The following CORO2B variants were observed in gnomAD, a reference collection of about 807,000 sequenced individuals.
The protein encoded by CORO2B is coronin-2B.
In CORO2B, 26 loss-of-function variants were observed where a neutral mutation model predicts 58.8. That is an observed-to-expected ratio of 0.44 (90% confidence interval 0.32 to 0.61). The LOEUF (loss-of-function observed/expected upper bound fraction) is 0.61. CORO2B is among the 20% of genes least tolerant of loss of function. CORO2B has a pLI of 0.04. For missense variants in CORO2B, 460 were observed against 645.1 expected, an observed-to-expected ratio of 0.71 and a Z score of 3.11; for synonymous variants, 242 against 253.8, an observed-to-expected ratio of 0.95 and a Z score of 0.44.
In CORO2B at chr15:68,611,483, T is replaced by C. The variant is rs530552500; in HGVS notation, c.15+32206T>C. On this transcript the variant is annotated intron_variant, in intron 1 of 11. Transcript: ENST00000261861. ...ACATGGCATCAGGAGCGTTTCCCCA[T>C]TGTATTATTTATACCATATTTTACT... 7.9e-5 allele frequency among the ~76,000 whole-genome samples: 12 copies of C among 152,316 alleles called. No individual in the cohort carries two copies. The East Asian group carries it at 9.6e-4, about 12-fold the overall frequency.
At chr15:68,607,700 C>T (rs1476605243) in intron 1 of CORO2B, among the ~76,000 whole-genome samples, 3 of 151,856 alleles carry the variant, frequency 2.0e-5, no homozygotes, top group African/African-American at 7.3e-5. Context: ...TGCTTGTGGT[C>T]CCAGCTACTT....
chr15:68,567,760 G>A, the CORO2B span, among the ~76,000 whole-genome samples: 61 of 152,368 alleles, frequency 4.0e-4, no homozygotes, highest in African/African-American at 1.3e-3. Context: ...GGTGGCTCAT[G>A]CCTGTAATCC....
At chr15:68,642,766 T>G (rs535949430) in intron 1 of CORO2B, among the ~76,000 whole-genome samples, 1 of 152,174 alleles carries the variant, frequency 6.6e-6, no homozygotes, top group African/African-American at 2.4e-5. Flanking sequence ...CTGCGGATTC[T>G]GAGAAGGTCA....
Position 68,666,998 on chromosome 15 carries a change from T to C in CORO2B, c.216+21638T>C, listed in dbSNP as rs546787110. On this transcript the variant is annotated intron_variant, in intron 2 of 11. Coordinates refer to ENST00000261861, the MANE Select transcript of CORO2B (RefSeq NM_006091.5). ...GCAGTGAGAGGATCTGTGGCTCAGC[T>C]GCAGCACAGGTGAGGAGCAAAGAAG... 6.6e-5 allele frequency among the ~76,000 whole-genome samples: 10 copies of C among 152,190 alleles called. No homozygotes were observed. In the East Asian group the frequency reaches 1.9e-3, roughly 30 times the overall value.
the CORO2B span, among the ~76,000 whole-genome samples, chr15:68,544,993 T>A: frequency 6.6e-6 from 1 of 152,162 alleles, no homozygotes; most frequent in Non-Finnish European, 1.5e-5. Flanking sequence ...GCCAGGATGG[T>A]CTCGATCTCC....
chr15:68,702,104 C>G (rs1892666544), intron 3 of CORO2B, among the ~76,000 whole-genome samples: 1 of 151,964 alleles, frequency 6.6e-6, no homozygotes, highest in Non-Finnish European at 1.5e-5. Context: ...GGGGTTGGGT[C>G]CAGCCCAGGG....
At chr15:68,570,486 G>T in the CORO2B span, among the ~76,000 whole-genome samples, 2 of 152,216 alleles carry the variant, frequency 1.3e-5, no homozygotes, top group African/African-American at 2.4e-5. Flanking sequence ...AAACTTCCGG[G>T]TGGTGACTCA....
intron 1 of CORO2B, among the ~76,000 whole-genome samples, chr15:68,600,513 G>A (rs8025334): frequency 0.053 from 8,057 of 152,178 alleles, 728 homozygotes; most frequent in African/African-American, 0.18. Flanking sequence ...GGACTTAGTC[G>A]GAAAGACAAA....
the CORO2B span, among the ~76,000 whole-genome samples, chr15:68,556,227 G>C: frequency 1.3e-5 from 2 of 152,164 alleles, no homozygotes; most frequent in Non-Finnish European, 2.9e-5. Flanking sequence ...AGAAAGACAG[G>C]GTGATGAGCG....
chr15:68,586,088 T>G (rs1303115953), intron 1 of CORO2B, among the ~76,000 whole-genome samples: 1 of 152,212 alleles, frequency 6.6e-6, no homozygotes, highest in Non-Finnish European at 1.5e-5. Context: ...CAGTCTGTCA[T>G]TTACTTGCTG....
the CORO2B span, among the ~76,000 whole-genome samples, chr15:68,532,140 T>G: frequency 6.6e-6 from 1 of 152,176 alleles, no homozygotes; most frequent in Non-Finnish European, 1.5e-5. Flanking sequence ...TGGGGTTTTT[T>G]GTTTTTGTTT....
chr15:68,679,115 G>A (rs8040343), intron 2 of CORO2B, among the ~76,000 whole-genome samples: 5,275 of 152,304 alleles, frequency 0.035, 312 homozygotes, highest in African/African-American at 0.12. Context: ...GCCTGGCACC[G>A]TGCTGGGTGT....
At chr15:68,718,672 T>C in intron 8 of CORO2B, 26 bp from the exon 9 acceptor site, 1 of 1,588,504 alleles carries the variant, frequency 6.3e-7, no homozygotes, top group Non-Finnish European at 8.6e-7. Flanking sequence ...TGGGACCCCA[T>C]GGAGCCACAT....
chr15:68,520,768 G>A, the CORO2B span, among the ~76,000 whole-genome samples: 1 of 152,168 alleles, frequency 6.6e-6, no homozygotes, highest in African/African-American at 2.4e-5. Flanking sequence ...AGCTTTGGCC[G>A]GGTGCAGTAG....
chr15:68,724,387 A>T (rs929165128), intron 11 of CORO2B, among the ~76,000 whole-genome samples: 1 of 152,320 alleles, frequency 6.6e-6, no homozygotes, highest in East Asian at 1.9e-4. Context: ...AAAATAATTT[A>T]AAGTTCATCT....
At chr15:68,564,087 A>G in the CORO2B span, among the ~76,000 whole-genome samples, 1 of 152,238 alleles carries the variant, frequency 6.6e-6, no homozygotes, top group Non-Finnish European at 1.5e-5. Context: ...ATATCTTTTT[A>G]TAAACATTAG....
rs1048141586 is a variant in CORO2B, at chr15:68,713,943, C to T, written c.667C>T (p.His223Tyr). ...CTACTAGGAGGCCAACTGCAAAAAC[C>T]ACAGAGTGAACCGGGTGGTGTTCCT... ...RVLQEANCKN[H>Y]RVNRVVFLGN... The change falls in exon 6 of 12, where the codon CAC becomes TAC. Residue 223 changes from histidine (H) to tyrosine (Y), a missense_variant. Physicochemically the swap from His to Tyr is moderately conservative, Grantham distance 83. Coordinates refer to ENST00000261861, the MANE Select transcript of CORO2B (RefSeq NM_006091.5). The T allele has an allele frequency of 6.2e-7, 1 of 1,613,944 alleles. No individual in the cohort carries two copies. Among genetic ancestry groups the T allele is most frequent in the Non-Finnish European group, 8.5e-7 (1 of 1,179,964 alleles).
At position 68,701,546 on chromosome 15, in the gene CORO2B, C is replaced by G. The variant is rs374133713; in HGVS notation, c.333+6290C>G. Among the ~76,000 whole-genome samples, 105 of 124,762 alleles carry G rather than the reference C, an allele frequency of 8.4e-4. 1 individual carries two copies. The East Asian group carries it at 0.023, about 28-fold the overall frequency. The allele number at this position is 124,762 out of a possible 152,430, so 81.8% of individuals were successfully genotyped here. ...TGTCGCCCAGGCTGGAGTGCAGTGG[C>G]GCGATCTCGACTCACTGCAAGCTCC... On this transcript the variant is annotated intron_variant, in intron 3 of 11. Transcript: ENST00000261861.
At chr15:68,544,003 G>T in the CORO2B span, among the ~76,000 whole-genome samples, 3 of 152,144 alleles carry the variant, frequency 2.0e-5, no homozygotes, top group African/African-American at 7.2e-5. Context: ...TCTCTGCCTA[G>T]AATATCTGTC....
Sources: allele counts gnomAD v4.1 joint callset (sites outside exome capture counted in the v4.1 genomes callset), GRCh38; gene constraint gnomAD v4.1.1; transcripts MANE v1.5; gene names NCBI Gene and HGNC (gene_info 2026-07-23, HGNC 2026-07-21).